CNTN4: variants seen among roughly 807,000 people sequenced by gnomAD.
The protein encoded by CNTN4 is contactin-4.
Under a neutral mutation model 122.5 loss-of-function variants are expected in CNTN4, and 77 were observed. That is an observed-to-expected ratio of 0.63 (90% CI 0.52 to 0.76). CNTN4 has a LOEUF of 0.76. CNTN4 is among the 30% of genes least tolerant of loss of function. CNTN4 has a pLI of 0.00. For missense variants in CNTN4, 1,256 were observed against 1,259.1 expected (o/e 1.00, Z 0.04); for synonymous variants, 512 against 447.0 (o/e 1.15, Z -1.83).
At chr3:2,857,699 T>C (rs142104062) in intron 7 of CNTN4, among the ~76,000 whole-genome samples, 12 of 152,294 alleles carry the variant, frequency 7.9e-5, no homozygotes, top group African/African-American at 2.9e-4. Context: ...CACCTCAGCC[T>C]CTCCAGACTC....
intron 3 of CNTN4, among the ~76,000 whole-genome samples, chr3:2,495,690 C>G (rs2076434711): frequency 6.6e-6 from 1 of 152,186 alleles, no homozygotes; most frequent in Admixed American, 6.5e-5. Context: ...AGGTTGCACC[C>G]TCCTTATGAG....
chr3:2,409,410 G>T (rs1323134631), intron 3 of CNTN4, among the ~76,000 whole-genome samples: 1 of 151,936 alleles, frequency 6.6e-6, no homozygotes, highest in Admixed American at 6.6e-5. Flanking sequence ...ACCACGGCTG[G>T]CTAGTTTTTT....
rs764303425 is a variant in CNTN4, at chr3:3,043,669, G to T, written c.2776G>T (p.Ala926Ser). The change falls in exon 23 of 25, where the codon GCC (alanine) becomes TCC (serine). Residue 926 changes from alanine (A) to serine (S), a missense_variant. Ala to Ser is a moderately conservative substitution (Grantham distance 99, BLOSUM62 1). Coordinates refer to ENST00000418658, the MANE Select transcript of CNTN4 (RefSeq NM_175607.3). ...KIILNWDQVK[A>S]LDNESEVKGY... Reference sequence around the variant, plus strand: ...TATCCTGAATTGGGATCAAGTGAAGGCCCTGGATAATGAGTCGGAAGTAAA... The same window carrying T: ...TATCCTGAATTGGGATCAAGTGAAGTCCCTGGATAATGAGTCGGAAGTAAA... The T allele has an allele frequency of 1.5e-5, 25 of 1,613,696 alleles. 1 individual carries two copies. In the Admixed American group the frequency reaches 3.7e-4, roughly 24 times the overall value.
chr3:2,823,696 C>T (rs1048984765), intron 7 of CNTN4, among the ~76,000 whole-genome samples: 1 of 152,144 alleles, frequency 6.6e-6, no homozygotes, highest in African/African-American at 2.4e-5. Context: ...ACCAAGCTCT[C>T]GTTAAATAGG....
intron 7 of CNTN4, among the ~76,000 whole-genome samples, chr3:2,862,453 A>G (rs1251441497): frequency 6.6e-6 from 1 of 152,230 alleles, no homozygotes; most frequent in Non-Finnish European, 1.5e-5. Flanking sequence ...GCAAACCAAA[A>G]AAACCATTGC....
chr3:2,170,285 A>C (rs4305411), intron 2 of CNTN4, among the ~76,000 whole-genome samples: 13,815 of 151,924 alleles, frequency 0.091, 845 homozygotes, highest in East Asian at 0.24. Context: ...GCGCCACCGC[A>C]CTCCAGCCTG....
At chr3:2,893,646 A>G in intron 10 of CNTN4, among the ~76,000 whole-genome samples, 1 of 152,194 alleles carries the variant, frequency 6.6e-6, no homozygotes, top group South Asian at 2.1e-4. Context: ...TCCTCACCTA[A>G]TAAGAAACGT....
intron 2 of CNTN4, among the ~76,000 whole-genome samples, chr3:2,158,538 G>A (rs2035822740): frequency 6.6e-6 from 1 of 152,162 alleles, no homozygotes; most frequent in Admixed American, 6.5e-5. Flanking sequence ...CCTATTGTTT[G>A]CTCTTCCACA....
At chr3:2,260,819 C>A (rs928657441) in intron 2 of CNTN4, among the ~76,000 whole-genome samples, 1 of 149,624 alleles carries the variant, frequency 6.7e-6, no homozygotes, top group South Asian at 2.1e-4. Flanking sequence ...CCTCTGCCTC[C>A]CAGTTCCCAG....
chr3:2,338,357 T>C (rs1051248972), intron 2 of CNTN4, among the ~76,000 whole-genome samples: 26 of 152,138 alleles, frequency 1.7e-4, no homozygotes, highest in African/African-American at 6.3e-4. Flanking sequence ...ATAACATTTT[T>C]ATCCAATCAA....
intron 3 of CNTN4, among the ~76,000 whole-genome samples, chr3:2,523,181 T>A (rs1473657154): frequency 6.6e-6 from 1 of 152,052 alleles, no homozygotes; most frequent in Non-Finnish European, 1.5e-5. Flanking sequence ...TGGAGTATTA[T>A]GAAAGACACT....
chr3:2,919,353 GAAAAAAAAA>G (rs200119254), intron 12 of CNTN4, among the ~76,000 whole-genome samples: 1 of 108,490 alleles, frequency 9.2e-6, no homozygotes, highest in Admixed American at 9.6e-5. Flanking sequence ...CTCTGTCTCA[GAAAAAAAAA>G]AAAAAAAAAA....
intron 7 of CNTN4, among the ~76,000 whole-genome samples, chr3:2,842,892 C>CAT (rs1385176776): frequency 1.3e-4 from 20 of 151,818 alleles, no homozygotes; most frequent in Admixed American, 1.3e-3. Context: ...GTCATCTACT[C>CAT]ATATTCTTAA....
chr3:2,976,457 T>G (rs988156719), intron 13 of CNTN4, among the ~76,000 whole-genome samples: 1 of 152,162 alleles, frequency 6.6e-6, no homozygotes, highest in Non-Finnish European at 1.5e-5. Context: ...GAAAGCAAAT[T>G]ATCTCTAAGG....
At chr3:2,440,166 A>C (rs1252181260) in intron 3 of CNTN4, among the ~76,000 whole-genome samples, 1 of 152,166 alleles carries the variant, frequency 6.6e-6, no homozygotes, top group Non-Finnish European at 1.5e-5. Flanking sequence ...TTATACTTTA[A>C]GTTTTAGGGT....
At position 2,288,441 on chromosome 3, in the gene CNTN4, A is replaced by T. The variant is rs1046793571; in HGVS notation, c.-144-50737A>T. On this transcript the variant is annotated intron_variant, in intron 2 of 24. Coordinates refer to ENST00000418658, the MANE Select transcript of CNTN4 (RefSeq NM_175607.3). ...AAAGAGGTAGAACTCACTCACTACCATGAAAATGGCACTAAGCCATTTTTG... is the reference window on the plus strand; with the variant it reads ...AAAGAGGTAGAACTCACTCACTACCTTGAAAATGGCACTAAGCCATTTTTG... Among the ~76,000 whole-genome samples, 9 of 152,142 alleles carry T rather than the reference A, an allele frequency of 5.9e-5. No homozygotes were observed. The South Asian group carries it at 1.4e-3, about 24-fold the overall frequency.
At chr3:2,333,251 C>G (rs917079256) in intron 2 of CNTN4, among the ~76,000 whole-genome samples, 3 of 152,164 alleles carry the variant, frequency 2.0e-5, no homozygotes, top group African/African-American at 4.8e-5. Context: ...AGTCAAGACC[C>G]AGAAATTAGA....
intron 3 of CNTN4, among the ~76,000 whole-genome samples, chr3:2,504,866 G>A (rs984562310): frequency 6.6e-6 from 1 of 152,088 alleles, no homozygotes; most frequent in Non-Finnish European, 1.5e-5. Flanking sequence ...AAATGTCAAT[G>A]TAATAAGAGA....
intron 12 of CNTN4, among the ~76,000 whole-genome samples, chr3:2,913,182 A>C (rs11711229): frequency 0.42 from 63,249 of 151,930 alleles, 13,447 homozygotes; most frequent in East Asian, 0.65. Context: ...AATAAAAATT[A>C]AAACAAATAA....
Sources: gnomAD v4.1 joint callset for allele counts (sites outside exome capture counted in the v4.1 genomes callset) on GRCh38, gnomAD v4.1.1 for gene constraint, MANE v1.5 for transcripts, NCBI Gene and HGNC (gene_info 2026-07-23, HGNC 2026-07-21) for gene names.